GALNT16: variants seen among roughly 807,000 people sequenced by gnomAD.
GALNT16 encodes UDP-GalNAc:polypeptide N-acetylgalactosaminyltransferase-like protein 1.
GALNT16 carries 40 observed loss-of-function variants against 76.1 expected under a neutral mutation model. That is an observed-to-expected ratio of 0.53 (90% CI 0.41 to 0.68). The LOEUF (loss-of-function observed/expected upper bound fraction) is 0.68, where lower values mean the gene tolerates loss of function less well. Among genes scored for constraint, GALNT16 ranks in the 30% least tolerant of loss-of-function variants. The probability of loss-of-function intolerance (pLI) is 0.00; values close to 1 mark genes in which losing one functional copy is unlikely to be tolerated. For missense variants in GALNT16, 621 were observed against 731.9 expected (o/e 0.85, Z 1.75); for synonymous variants, 276 against 285.2 (o/e 0.97, Z 0.32).
At position 69,333,647 on chromosome 14, in the gene GALNT16, CCA is replaced by C. The variant is rs766465353; in HGVS notation, c.967+50_967+51del. The C allele has an allele frequency of 1.0e-6, 1 of 981,942 alleles. No individual in the cohort carries two copies. Among genetic ancestry groups the C allele is most frequent in the African/African-American group, 1.6e-5 (1 of 63,314 alleles). 60.8% of individuals were successfully genotyped at this position (981,942 alleles called of 1,614,324 possible). A position where few individuals can be genotyped will look rare whatever the true frequency, so the allele number is the denominator to read the frequency against. On this transcript the variant is annotated intron_variant, in intron 9 of 14. Transcript: ENST00000448469. The surrounding 1 kb of genome is among the most constrained non-coding windows in gnomAD (Gnocchi z 4.2). ...GTGAAAATAACAGTAGCAGTAATAA[CCA>C]CAGTTAACCCTGACAGAGCACTTTC...
chr14:69,385,350 T>C, the GALNT16 span, among the ~76,000 whole-genome samples: 1 of 152,190 alleles, frequency 6.6e-6, no homozygotes, highest in African/African-American at 2.4e-5. Context: ...GCTTATTTCT[T>C]ACTTTTCCAC....
Position 69,328,464 on chromosome 14 carries a change from C to T in GALNT16, c.583C>T (p.Arg195Ter). 4 of 1,614,012 alleles carry T rather than the reference C, an allele frequency of 2.5e-6. No individual in the cohort carries two copies. The highest frequency in any genetic ancestry group is 2.5e-6 in the Non-Finnish European group (3 of 1,179,942). ...NDRREGLIRS[R>*]VRGADVAAAT... ...TCCTCTTGTAGGGCTGATCCGGTCC[C>T]GAGTGCGTGGGGCGGACGTGGCTGC... Residue 195 changes from arginine (R) to a stop codon, truncating the protein, a stop_gained, in exon 6 of 15, where the codon CGA becomes TGA. Coordinates refer to ENST00000448469, the MANE Select transcript of GALNT16 (RefSeq NM_001168368.2). LOFTEE classifies it high-confidence loss of function.
At chr14:69,315,811 A>T (rs74059950) in intron 1 of GALNT16, among the ~76,000 whole-genome samples, 5,402 of 150,558 alleles carry the variant, frequency 0.036, 297 homozygotes, top group African/African-American at 0.12. Flanking sequence ...TCAGTTTTTA[A>T]AAAAAAAAAT....
the GALNT16 span, among the ~76,000 whole-genome samples, chr14:69,363,241 G>A: frequency 1.3e-5 from 2 of 152,176 alleles, no homozygotes; most frequent in Admixed American, 1.3e-4. Context: ...TGGCCTTGCT[G>A]CCATCACCAG....
chr14:69,314,682 T>G (rs1315928589), intron 1 of GALNT16, among the ~76,000 whole-genome samples: 1 of 152,232 alleles, frequency 6.6e-6, no homozygotes, highest in Non-Finnish European at 1.5e-5. Context: ...GATGTCGAAT[T>G]ATGTGCTTAG....
chr14:69,310,942 A>C (rs2045010473), intron 1 of GALNT16, among the ~76,000 whole-genome samples: 1 of 152,214 alleles, frequency 6.6e-6, no homozygotes, highest in Non-Finnish European at 1.5e-5. Flanking sequence ...TTAAAAAAAT[A>C]GTATTATCCC....
intron 1 of GALNT16, among the ~76,000 whole-genome samples, chr14:69,270,630 C>A (rs954330610): frequency 6.6e-6 from 1 of 152,192 alleles, no homozygotes; most frequent in Admixed American, 6.5e-5. Flanking sequence ...CTGGGGCAAC[C>A]CGAGTTGCCT....
At chr14:69,312,126 A>G (rs918949613) in intron 1 of GALNT16, among the ~76,000 whole-genome samples, 2 of 151,708 alleles carry the variant, frequency 1.3e-5, no homozygotes, top group Non-Finnish European at 2.9e-5. Context: ...TGTCTAATAT[A>G]TATAGTCCCA....
chr14:69,322,534 C>T (rs937370085), intron 2 of GALNT16, among the ~76,000 whole-genome samples: 16 of 152,156 alleles, frequency 1.1e-4, no homozygotes, highest in Admixed American at 3.3e-4. Context: ...TTAAATGAGA[C>T]GCTTTAAATC....
At chr14:69,360,002 C>A (rs554214195), downstream of GALNT16, among the ~76,000 whole-genome samples, 2 of 149,786 alleles carry the variant, frequency 1.3e-5, no homozygotes, top group Non-Finnish European at 3.0e-5. Flanking sequence ...TCCAGCCTGG[C>A]GACGGAGTGG....
chr14:69,374,478 A>G, the GALNT16 span, among the ~76,000 whole-genome samples: 7 of 152,114 alleles, frequency 4.6e-5, no homozygotes, highest in Non-Finnish European at 8.8e-5. Flanking sequence ...TTCCTATGCT[A>G]CCTCATGAAA....
chr14:69,326,592 G>A (rs1051998208), intron 5 of GALNT16, among the ~76,000 whole-genome samples: 1 of 152,180 alleles, frequency 6.6e-6, no homozygotes, highest in African/African-American at 2.4e-5. Flanking sequence ...GGCTTCCATG[G>A]AGGAATGGGC....
chr14:69,325,835 A>T, intron 4 of GALNT16, 127 bp from the exon 5 acceptor site: 1 of 733,224 alleles, frequency 1.4e-6, no homozygotes, highest in Admixed American at 2.0e-5. Flanking sequence ...TGATGACCAT[A>T]CCTCTTCCCA....
the GALNT16 span, among the ~76,000 whole-genome samples, chr14:69,363,268 C>T: frequency 6.6e-6 from 1 of 152,200 alleles, no homozygotes; most frequent in Non-Finnish European, 1.5e-5. Context: ...GGGAGGATGG[C>T]AGTCACGCTG....
At chr14:69,276,780 T>A (rs1421830829) in intron 1 of GALNT16, among the ~76,000 whole-genome samples, 1 of 152,240 alleles carries the variant, frequency 6.6e-6, no homozygotes. Flanking sequence ...TCTTTGTCTT[T>A]GTCCTTTTTG....
Position 69,345,703 on chromosome 14 carries a change from AGTGT to A in GALNT16, c.1272-1306_1272-1303del, listed in dbSNP as rs55871607. On this transcript the variant is annotated intron_variant, in intron 12 of 14. Transcript: ENST00000448469. The stretch of plus-strand genomic sequence containing the variant: ...TCAGGTTTATTACCCATAAGGTGTC[AGTGT>A]GTGTGTGTGTGTGTGTGTGTGTGTG... 2.7e-3 allele frequency among the ~76,000 whole-genome samples: 366 copies of A among 135,090 alleles called. 1 individual carries two copies. Among genetic ancestry groups the A allele is most frequent in the African/African-American group, 8.7e-3 (316 of 36,128 alleles). 88.6% of individuals were successfully genotyped at this position (135,090 alleles called of 152,430 possible).
chr14:69,326,985 G>A (rs2045294727), intron 5 of GALNT16, among the ~76,000 whole-genome samples: 1 of 152,206 alleles, frequency 6.6e-6, no homozygotes, highest in South Asian at 2.1e-4. Flanking sequence ...GAATTGAGAT[G>A]ATAGAAGACC....
intron 1 of GALNT16, among the ~76,000 whole-genome samples, chr14:69,313,133 C>G (rs931207000): frequency 3.9e-5 from 6 of 152,182 alleles, no homozygotes; most frequent in Non-Finnish European, 7.3e-5. Flanking sequence ...CCTCAATGAG[C>G]CGTCAGCATC....
chr14:69,331,386 T>A, intron 6 of GALNT16, 78 bp from the exon 7 acceptor site: 1 of 818,198 alleles, frequency 1.2e-6, no homozygotes, highest in Non-Finnish European at 2.1e-6. Flanking sequence ...CAGAGAGGCC[T>A]TCTCCCCAGA....
Sources: gnomAD v4.1 joint callset for allele counts (sites outside exome capture counted in the v4.1 genomes callset) on GRCh38, gnomAD v4.1.1 for gene constraint, Gnocchi (gnomAD v3.1) non-coding constraint, MANE v1.5 for transcripts, NCBI Gene and HGNC (gene_info 2026-07-23, HGNC 2026-07-21) for gene names.